The following LRRC49 variants were observed in gnomAD, a reference collection of about 807,000 sequenced individuals.
The protein encoded by LRRC49 is leucine-rich repeat-containing protein 49.
In LRRC49, 50 loss-of-function variants were observed where a neutral mutation model predicts 83.3. The observed-to-expected ratio is 0.60, with a 90% CI of 0.48 to 0.76. The LOEUF is 0.76. Among genes scored for constraint, LRRC49 ranks in the 30% least tolerant of loss-of-function variants. The probability of loss-of-function intolerance (pLI) is 0.00; values close to 1 mark genes in which losing one functional copy is unlikely to be tolerated. For synonymous variants in LRRC49, 286 were observed against 283.3 expected (o/e 1.01, Z -0.10); for missense variants, 704 against 809.1 (o/e 0.87, Z 1.58).
intron 1 of LRRC49, among the ~76,000 whole-genome samples, chr15:70,854,645 T>C (rs2032605959): frequency 6.6e-6 from 1 of 152,172 alleles, no homozygotes; most frequent in Non-Finnish European, 1.5e-5. Context: ...AGACCGCGTC[T>C]TAGGAGGTCA....
chr15:70,865,598 T>C (rs952492976), intron 1 of LRRC49, among the ~76,000 whole-genome samples: 1 of 152,256 alleles, frequency 6.6e-6, no homozygotes, highest in Admixed American at 6.5e-5. Context: ...TTCACCATTT[T>C]ATATTGTTAT....
At chr15:70,958,684 A>G (rs1007478075) in intron 8 of LRRC49, among the ~76,000 whole-genome samples, 1 of 152,228 alleles carries the variant, frequency 6.6e-6, no homozygotes, top group Admixed American at 6.5e-5. Context: ...TTAAATTTAT[A>G]AACTCACATC....
chr15:70,912,345 C>T (rs1324859347), intron 6 of LRRC49, among the ~76,000 whole-genome samples: 1 of 152,032 alleles, frequency 6.6e-6, no homozygotes, highest in East Asian at 1.9e-4. Context: ...TCTTCATATT[C>T]CATATGTACT....
At chr15:70,981,721 T>C (rs578070526) in intron 10 of LRRC49, among the ~76,000 whole-genome samples, 2 of 152,206 alleles carry the variant, frequency 1.3e-5, no homozygotes, top group African/African-American at 2.4e-5. Context: ...TGGCACCTTC[T>C]AAAATATTTG....
At chr15:70,952,795 T>A (rs965006007) in intron 8 of LRRC49, among the ~76,000 whole-genome samples, 4 of 151,838 alleles carry the variant, frequency 2.6e-5, no homozygotes, top group Non-Finnish European at 5.9e-5. Context: ...AACTTTTTTT[T>A]AAAATCTGGG....
Position 71,046,250 on chromosome 15 carries a change from T to C in LRRC49, c.1858-3159T>C, listed in dbSNP as rs957720586. 2.0e-5 allele frequency among the ~76,000 whole-genome samples: 3 copies of C among 152,296 alleles called. No individual in the cohort carries two copies. The South Asian group carries it at 6.2e-4, about 32-fold the overall frequency. On this transcript the variant is annotated intron_variant, in intron 15 of 15. Transcript: ENST00000260382. ...TGTTGGGCCAAATGGTAGCTCTGTT[T>C]TAAGTTATTTAAGAAATTGCCAGAC...
Position 70,919,173 on chromosome 15 carries a change from C to A in LRRC49, c.691C>A (p.His231Asn). 6.2e-7 allele frequency: 1 copy of A among 1,611,948 alleles called. No individual in the cohort carries two copies. The change falls in exon 7 of 16, where the codon CAC becomes AAC. Residue 231 changes from histidine (H) to asparagine (N), a missense_variant. Transcript: ENST00000260382. ...LDSLTELNLR[H>N]NQITFVRDVD... The stretch of plus-strand genomic sequence containing the variant: ...TTCACTAACTGAACTTAACTTGCGA[C>A]ACAATCAAATCACTTTCGTGGTGAG...
intron 7 of LRRC49, among the ~76,000 whole-genome samples, chr15:70,930,016 G>A (rs150876733): frequency 2.6e-3 from 396 of 152,080 alleles, no homozygotes; most frequent in Non-Finnish European, 4.9e-3. Flanking sequence ...TCCTGTTAAT[G>A]TTGATATTTT....
At chr15:70,897,867 A>G (rs1375108702) in intron 3 of LRRC49, among the ~76,000 whole-genome samples, 2 of 152,204 alleles carry the variant, frequency 1.3e-5, no homozygotes, top group South Asian at 2.1e-4. Context: ...AGGAACTACT[A>G]TATAATAAAA....
At chr15:71,004,197 T>G (rs988615576) in intron 11 of LRRC49, among the ~76,000 whole-genome samples, 1 of 152,186 alleles carries the variant, frequency 6.6e-6, no homozygotes, top group Non-Finnish European at 1.5e-5. Flanking sequence ...CCCTCCATGT[T>G]TCAATGTTCC....
chr15:70,903,072 A>G (rs761559400), intron 4 of LRRC49, among the ~76,000 whole-genome samples: 4 of 152,138 alleles, frequency 2.6e-5, no homozygotes, highest in Non-Finnish European at 5.9e-5. Flanking sequence ...TGTCTTAGTG[A>G]TGACCGATTC....
intron 7 of LRRC49, among the ~76,000 whole-genome samples, chr15:70,931,414 A>G (rs987806629): frequency 2.0e-5 from 3 of 152,176 alleles, no homozygotes; most frequent in African/African-American, 7.2e-5. Flanking sequence ...CATAACAAAT[A>G]TAATAATAAT....
chr15:71,010,047 T>C (rs1383342134), intron 13 of LRRC49, 55 bp downstream of exon 13: 1 of 1,109,076 alleles, frequency 9.0e-7, no homozygotes, highest in Non-Finnish European at 1.2e-6. Flanking sequence ...TTAGTGAAAA[T>C]AGTTACTTTA....
chr15:70,971,136 C>T (rs1422408425), intron 9 of LRRC49, among the ~76,000 whole-genome samples: 1 of 152,126 alleles, frequency 6.6e-6, no homozygotes, highest in Non-Finnish European at 1.5e-5. Context: ...TATAAATTTC[C>T]CTCTAAACAC....
intron 15 of LRRC49, among the ~76,000 whole-genome samples, chr15:71,042,617 G>A (rs1388093616): frequency 2.0e-5 from 3 of 152,090 alleles, no homozygotes. Context: ...GCAGCACAAA[G>A]TGCTCAGTCT....
intron 11 of LRRC49, among the ~76,000 whole-genome samples, chr15:70,985,446 C>T (rs953089346): frequency 3.9e-5 from 6 of 152,148 alleles, no homozygotes; most frequent in Non-Finnish European, 7.3e-5. Flanking sequence ...AGTGTCTGTT[C>T]ATGTCCTTCG....
intron 13 of LRRC49, among the ~76,000 whole-genome samples, chr15:71,010,444 G>A (rs1026120281): frequency 2.0e-5 from 3 of 151,736 alleles, no homozygotes; most frequent in Admixed American, 6.6e-5. Context: ...GGAAAAAAAA[G>A]GGGAGGAAGA....
In LRRC49 at chr15:70,892,883, C is replaced by G. The variant is rs772478307; in HGVS notation, c.-12C>G. 15 of 1,614,196 alleles carry G rather than the reference C, an allele frequency of 9.3e-6. 1 individual carries two copies. The South Asian group carries it at 1.6e-4, about 18-fold the overall frequency. On this transcript the variant is annotated 5_prime_UTR_variant, in exon 1 of 16. Coordinates refer to ENST00000260382, the MANE Select transcript of LRRC49 (RefSeq NM_017691.5). ...AGGCAGATCTAACAGAGAACCTGGA[C>G]TGTCTCCTATCATGATTCCCGGGAA...
intron 1 of LRRC49, among the ~76,000 whole-genome samples, chr15:70,871,005 G>A: frequency 6.6e-6 from 1 of 150,968 alleles, no homozygotes. Context: ...TCGGAGAGGG[G>A]GATTTGGCAG....
Sources: allele counts gnomAD v4.1 joint callset (sites outside exome capture counted in the v4.1 genomes callset), GRCh38; gene constraint gnomAD v4.1.1; transcripts MANE v1.5; gene names NCBI Gene and HGNC (gene_info 2026-07-23, HGNC 2026-07-21).